SLC5A1: variants seen among roughly 807,000 people sequenced by gnomAD.
SLC5A1 encodes the protein sodium/glucose cotransporter 1.
SLC5A1 carries 42 observed loss-of-function variants against 73.5 expected under a neutral mutation model. The ratio of observed to expected loss-of-function variants is 0.57; its 90% CI spans 0.45 to 0.74. The LOEUF (loss-of-function observed/expected upper bound fraction) is 0.74. Ranked by LOEUF, SLC5A1 falls within the 30% of genes least tolerant of loss-of-function variation. The pLI is 0.00. For missense variants in SLC5A1, 634 were observed against 855.4 expected (o/e 0.74, Z 3.23); for synonymous variants, 300 against 317.4 (o/e 0.95, Z 0.58).
rs1404902319 is a variant in SLC5A1, at chr22:32,083,165, C to T, written c.664+11C>T. The stretch of plus-strand genomic sequence containing the variant: ...TCCTGACTGGGTTTGGTAAGTGGGG[C>T]CAGGGCAGGCTGAGGAGGTGGGAGC... On this transcript the variant is annotated intron_variant, in intron 7 of 14. Coordinates refer to ENST00000266088, the MANE Select transcript of SLC5A1 (RefSeq NM_000343.4). The T allele has an allele frequency of 6.2e-7, 1 of 1,611,786 alleles. No homozygotes were observed. Among genetic ancestry groups the T allele is most frequent in the South Asian group, 1.1e-5 (1 of 90,984 alleles).
chr22:32,058,509 G>T (rs947705645), intron 2 of SLC5A1, among the ~76,000 whole-genome samples: 3 of 152,042 alleles, frequency 2.0e-5, no homozygotes, highest in Middle Eastern at 3.2e-3. Context: ...CTAAGTCTTT[G>T]TCTGCATCTC....
At chr22:32,052,491 A>G (rs1035692537) in intron 2 of SLC5A1, among the ~76,000 whole-genome samples, 2 of 152,128 alleles carry the variant, frequency 1.3e-5, no homozygotes, top group African/African-American at 4.8e-5. Flanking sequence ...ATTGGAGAGG[A>G]AGAGAGGGAA....
At chr22:32,081,755 G>A (rs117141013) in intron 5 of SLC5A1, 111 bp from the exon 6 acceptor site, 14,774 of 775,356 alleles carry the variant, frequency 0.019, 198 homozygotes, top group Non-Finnish European at 0.025. Flanking sequence ...CATGGAATAC[G>A]TATTATCATC....
intron 2 of SLC5A1, among the ~76,000 whole-genome samples, chr22:32,056,712 G>A (rs954794953): frequency 1.6e-4 from 24 of 152,142 alleles, no homozygotes; most frequent in African/African-American, 5.8e-4. Flanking sequence ...GCAGGGAGCA[G>A]GAAGCCATCT....
intron 11 of SLC5A1, among the ~76,000 whole-genome samples, chr22:32,095,343 A>G (rs1472894758): frequency 6.6e-6 from 1 of 152,172 alleles, no homozygotes; most frequent in African/African-American, 2.4e-5. Flanking sequence ...TGTTCTGTAA[A>G]TATCTGTTAA....
chr22:32,068,027 G>C lies in SLC5A1; in HGVS notation c.372+1G>C, dbSNP rs1304785267. ...TGTCCCCATCTATATTAAGGCTGGG[G>C]TAAGTATCTGCTCTGTTATTTCATT... is the stretch of plus-strand genomic sequence containing the variant. On this transcript the variant is annotated splice_donor_variant, in intron 4 of 14. Transcript: ENST00000266088. LOFTEE classifies it high-confidence loss of function. 1.2e-6 allele frequency: 2 copies of C among 1,613,734 alleles called. No homozygotes were observed. The highest frequency in any genetic ancestry group is 1.7e-6 in the Non-Finnish European group (2 of 1,179,618).
chr22:32,091,897 C>T lies in SLC5A1; in HGVS notation c.1280+135C>T. 3 of 727,876 alleles carry T rather than the reference C, an allele frequency of 4.1e-6. No homozygotes were observed. In the South Asian group the frequency reaches 4.8e-5, roughly 12 times the overall value. The allele number at this position is 727,876 out of a possible 1,614,324, so 45.1% of individuals were successfully genotyped here. The stretch of plus-strand genomic sequence containing the variant: ...AATTTCTGTGGCTGGTTATATGTGC[C>T]ATTTGGTGGCATTTAACTTTATTTA... On this transcript the variant is annotated intron_variant, in intron 11 of 14. Coordinates refer to ENST00000266088, the MANE Select transcript of SLC5A1 (RefSeq NM_000343.4).
intron 8 of SLC5A1, 77 bp downstream of exon 8, chr22:32,084,736 C>A: frequency 6.6e-7 from 1 of 1,523,016 alleles, no homozygotes; most frequent in Non-Finnish European, 9.1e-7. Context: ...CTGTGGTTTG[C>A]AGGGTTGGGA....
At chr22:32,083,775 A>C (rs147193088) in intron 7 of SLC5A1, among the ~76,000 whole-genome samples, 1 of 152,112 alleles carries the variant, frequency 6.6e-6, no homozygotes, top group East Asian at 1.9e-4. Context: ...TTTTATTTCT[A>C]GGTGCTCAAG....
At chr22:32,085,121 CCT>C (rs1162008175) in intron 9 of SLC5A1, 86 bp downstream of exon 9, 1 of 1,540,094 alleles carries the variant, frequency 6.5e-7, no homozygotes, top group East Asian at 2.3e-5. Flanking sequence ...CCCGCTTCCT[CCT>C]CTTTTTTTTT....
At chr22:32,068,714 A>G in intron 5 of SLC5A1, 114 bp downstream of exon 5, 1 of 764,050 alleles carries the variant, frequency 1.3e-6, no homozygotes, top group Non-Finnish European at 2.3e-6. Context: ...TTGGCCCCTT[A>G]AGCCTTCTTG....
At chr22:32,066,191 T>C (rs1193915386) in intron 2 of SLC5A1, among the ~76,000 whole-genome samples, 4 of 152,208 alleles carry the variant, frequency 2.6e-5, no homozygotes, top group African/African-American at 7.2e-5. Context: ...TCTTGGGTAT[T>C]TGATACATGT....
chr22:32,109,066 A>G (rs1443922818), intron 14 of SLC5A1, among the ~76,000 whole-genome samples: 3 of 152,116 alleles, frequency 2.0e-5, no homozygotes, highest in Non-Finnish European at 2.9e-5. Context: ...TTAGCTACTA[A>G]GGAGACCGAG....
rs1184272183 is a variant in SLC5A1, at chr22:32,086,229, C to T, written c.1031C>T (p.Ala344Val). Reference protein sequence around the residue: ...ISRILYTEKIACVVPSECEKY... With the variant: ...ISRILYTEKIVCVVPSECEKY... ...CTCCATCTCTTCCCAGAAAAAATTG[C>T]CTGTGTCGTCCCTTCAGAATGTGAG... Residue 344 changes from alanine to valine, a missense_variant, in exon 10 of 15, where the codon GCC (alanine) becomes GTC (valine). This residue lies in a region of SLC5A1 where 422 missense variants were observed against 626.1 expected (regional missense o/e 0.67). Coordinates refer to ENST00000266088, the MANE Select transcript of SLC5A1 (RefSeq NM_000343.4). 1 of 1,612,224 alleles carries T rather than the reference C, an allele frequency of 6.2e-7. No homozygotes were observed. Among genetic ancestry groups the T allele is most frequent in the Admixed American group, 1.7e-5 (1 of 60,010 alleles).
chr22:32,044,201 G>A (rs2093934041), intron 1 of SLC5A1, among the ~76,000 whole-genome samples: 2 of 152,134 alleles, frequency 1.3e-5, no homozygotes. Context: ...GACCGACTGT[G>A]GTGGTTCACT....
In SLC5A1 at chr22:32,105,631, C is replaced by T. The variant is rs150863975; in HGVS notation, c.1771+740C>T. 5.2e-4 allele frequency among the ~76,000 whole-genome samples: 79 copies of T among 152,290 alleles called. 1 individual carries two copies. In the East Asian group the frequency reaches 0.014, roughly 28 times the overall value. ...ATTTTAAAATGTACAATTAAGTTTT[C>T]ATTGACTATAGCCACCCTGTTGTGC... is the stretch of plus-strand genomic sequence containing the variant. On this transcript the variant is annotated intron_variant, in intron 14 of 14. Transcript: ENST00000266088.
intron 5 of SLC5A1, among the ~76,000 whole-genome samples, chr22:32,080,755 G>A (rs926832570): frequency 7.2e-5 from 11 of 152,152 alleles, no homozygotes; most frequent in Non-Finnish European, 1.5e-5. Context: ...CAGCACTTTG[G>A]GAGTCCAAGG....
At position 32,104,867 on chromosome 22, in the gene SLC5A1, G is replaced by C. The variant is rs1226808441; in HGVS notation, c.1747G>C (p.Gly583Arg). The C allele has an allele frequency of 6.2e-7, 1 of 1,613,856 alleles. No homozygotes were observed. Among genetic ancestry groups the C allele is most frequent in the Non-Finnish European group, 8.5e-7 (1 of 1,179,784 alleles). ...TGCGGAAGAGGAGAACATCCAAGAA[G>C]GCCCTAAGGAGACCATTGAAATAGG... ...LDAEEENIQEGPKETIEIETQ... is the reference protein window; with the variant it reads ...LDAEEENIQERPKETIEIETQ... Residue 583 changes from glycine to arginine, a missense_variant, in exon 14 of 15, where the codon GGC (glycine) becomes CGC (arginine). Coordinates refer to ENST00000266088, the MANE Select transcript of SLC5A1 (RefSeq NM_000343.4).
At chr22:32,106,987 T>G (rs1389781571) in intron 14 of SLC5A1, among the ~76,000 whole-genome samples, 1 of 152,176 alleles carries the variant, frequency 6.6e-6, no homozygotes, top group East Asian at 1.9e-4. Flanking sequence ...TCATCTCATT[T>G]TATAGACATG....
Sources: gnomAD v4.1 joint callset for allele counts (sites outside exome capture counted in the v4.1 genomes callset) on GRCh38, gnomAD v4.1.1 for gene constraint, gnomAD v4.1.1 regional missense constraint, MANE v1.5 for transcripts, NCBI Gene and HGNC (gene_info 2026-07-23, HGNC 2026-07-21) for gene names.